Variants in TCF7L2 observed in about 807,000 individuals in gnomAD.
TCF7L2 encodes transcription factor 7 like 2.
Under a neutral mutation model 77.9 loss-of-function variants are expected in TCF7L2, and 23 were observed. The ratio of observed to expected loss-of-function variants is 0.30; its 90% CI spans 0.21 to 0.42. TCF7L2 has a LOEUF of 0.42. TCF7L2 is among the 10% of genes least tolerant of loss of function. The pLI is 1.00. For missense variants in TCF7L2, 654 were observed against 793.1 expected (o/e 0.82, Z 2.11); for synonymous variants, 413 against 340.2 (o/e 1.21, Z -2.36).
At chr10:112,979,684 A>C (rs544640643) in intron 4 of TCF7L2, among the ~76,000 whole-genome samples, 1 of 151,952 alleles carries the variant, frequency 6.6e-6, no homozygotes, top group Non-Finnish European at 1.5e-5. Context: ...TTGAACTGGG[A>C]GGCGGAGGTT....
At chr10:113,110,686 C>T (rs928365452) in intron 5 of TCF7L2, among the ~76,000 whole-genome samples, 1 of 152,166 alleles carries the variant, frequency 6.6e-6, no homozygotes, top group Non-Finnish European at 1.5e-5. Flanking sequence ...TAAAAGGGTT[C>T]ATGCCAGTAG....
chr10:113,144,085 A>G, intron 7 of TCF7L2, 60 bp downstream of exon 7: 1 of 1,299,252 alleles, frequency 7.7e-7, no homozygotes, highest in Non-Finnish European at 1.1e-6. Flanking sequence ...TTTATTATTT[A>G]TTCTGTGTGT....
chr10:113,064,876 A>G (rs2057031670), intron 5 of TCF7L2, among the ~76,000 whole-genome samples: 1 of 152,250 alleles, frequency 6.6e-6, no homozygotes, highest in African/African-American at 2.4e-5. Context: ...CTGAAGCACA[A>G]GTGTCTAGCC....
chr10:113,121,668 ACCC>A (rs909228413), intron 5 of TCF7L2, among the ~76,000 whole-genome samples: 11 of 151,858 alleles, frequency 7.2e-5, no homozygotes, highest in African/African-American at 2.7e-4. Context: ...AATTGGATTT[ACCC>A]CCCTTCTCTC....
At chr10:113,118,108 G>T (rs74157220) in intron 5 of TCF7L2, among the ~76,000 whole-genome samples, 10,880 of 152,188 alleles carry the variant, frequency 0.071, 818 homozygotes, top group African/African-American at 0.19. Context: ...CCAGCAGACG[G>T]GGTCGAGAAT....
intron 4 of TCF7L2, among the ~76,000 whole-genome samples, chr10:113,013,716 G>A (rs2046846472): frequency 6.6e-6 from 1 of 152,198 alleles, no homozygotes; most frequent in African/African-American, 2.4e-5. Context: ...AAGAAAGGCA[G>A]TTGGAGCTTA....
chr10:113,065,111 C>T (rs988744588), intron 5 of TCF7L2, among the ~76,000 whole-genome samples: 4 of 152,244 alleles, frequency 2.6e-5, no homozygotes, highest in African/African-American at 9.6e-5. Context: ...GGAAGCTGGG[C>T]CAGGCAGAGC....
In TCF7L2 at chr10:113,019,553, T is replaced by C. The variant is rs142511148; in HGVS notation, c.451-20472T>C. ...CAATCTTGGTCACCCCTTTCATCTC[T>C]TGGGTCCTCTGTAAGTTATAGCTAT... is the stretch of plus-strand genomic sequence containing the variant. On this transcript the variant is annotated intron_variant, in intron 4 of 13. Coordinates refer to ENST00000627217, the MANE Select transcript of TCF7L2 (RefSeq NM_001146274.2). 2.9e-3 allele frequency among the ~76,000 whole-genome samples: 441 copies of C among 152,310 alleles called. 5 individuals are homozygous for C. The highest frequency in any genetic ancestry group is 0.01 in the African/African-American group (431 of 41,566).
In TCF7L2 at chr10:113,123,092, C is replaced by A. The variant is rs538895501; in HGVS notation, c.553-18092C>A. Among the ~76,000 whole-genome samples the A allele has an allele frequency of 6.6e-5, 10 of 152,260 alleles. No homozygotes were observed. The South Asian group carries it at 2.1e-3, about 32-fold the overall frequency. On this transcript the variant is annotated intron_variant, in intron 5 of 13. Coordinates refer to ENST00000627217, the MANE Select transcript of TCF7L2 (RefSeq NM_001146274.2). ...AAGGCGCTTGCTTTATGTGGCTGTG[C>A]TAGACTTTGAAGTCATGACTGCACC...
At chr10:112,974,654 A>G (rs1450865109) in intron 4 of TCF7L2, among the ~76,000 whole-genome samples, 1 of 152,162 alleles carries the variant, frequency 6.6e-6, no homozygotes, top group Non-Finnish European at 1.5e-5. Flanking sequence ...CATCTTGACC[A>G]GGCTGGTCTT....
At chr10:113,025,829 C>G (rs1041153549) in intron 4 of TCF7L2, among the ~76,000 whole-genome samples, 1 of 151,758 alleles carries the variant, frequency 6.6e-6, no homozygotes, top group African/African-American at 2.4e-5. Flanking sequence ...GCCGCAGATT[C>G]TGAATTTGAA....
intron 8 of TCF7L2, among the ~76,000 whole-genome samples, chr10:113,149,363 A>T (rs867011053): frequency 2.6e-5 from 4 of 152,120 alleles, no homozygotes; most frequent in Non-Finnish European, 2.9e-5. Context: ...TGTTATTTTT[A>T]AAATCATGTC....
intron 1 of TCF7L2, 87 bp downstream of exon 1, chr10:112,951,032 G>C: frequency 6.7e-7 from 1 of 1,496,848 alleles, no homozygotes; most frequent in South Asian, 1.2e-5. Flanking sequence ...ATCGGGGCTG[G>C]GGGCGGCGGC....
At chr10:113,068,539 G>A (rs1001581189) in intron 5 of TCF7L2, among the ~76,000 whole-genome samples, 4 of 152,092 alleles carry the variant, frequency 2.6e-5, no homozygotes, top group African/African-American at 4.8e-5. Flanking sequence ...GCTGGGCCTC[G>A]CAGAGATGGA....
intron 4 of TCF7L2, among the ~76,000 whole-genome samples, chr10:112,980,753 A>G (rs1046752389): frequency 6.6e-6 from 1 of 151,488 alleles, no homozygotes; most frequent in Non-Finnish European, 1.5e-5. Context: ...TCAGCCTCCC[A>G]GTAGCTGGGA....
chr10:113,158,823 T>A, intron 12 of TCF7L2, 106 bp downstream of exon 13: 1 of 1,161,712 alleles, frequency 8.6e-7, no homozygotes, highest in Non-Finnish European at 1.2e-6. Context: ...ATTTGAACAT[T>A]CTTTAAAATG....
At chr10:112,977,158 C>T (rs557798522) in intron 4 of TCF7L2, among the ~76,000 whole-genome samples, 7 of 152,096 alleles carry the variant, frequency 4.6e-5, no homozygotes, top group Admixed American at 4.6e-4. Flanking sequence ...TTCCAAACCT[C>T]GTGCCTCCCA....
At chr10:112,985,412 G>C (rs572763073) in intron 4 of TCF7L2, among the ~76,000 whole-genome samples, 15 of 151,648 alleles carry the variant, frequency 9.9e-5, no homozygotes, top group African/African-American at 3.6e-4. Context: ...TCTTATTTTA[G>C]TGACCCCCTC....
chr10:113,003,296 T>C (rs577105372), intron 4 of TCF7L2, among the ~76,000 whole-genome samples: 1 of 152,170 alleles, frequency 6.6e-6, no homozygotes, highest in African/African-American at 2.4e-5. Flanking sequence ...TTTGATGCCT[T>C]CTCTTTGTGG....
Sources: allele counts gnomAD v4.1 joint callset (sites outside exome capture counted in the v4.1 genomes callset), GRCh38; gene constraint gnomAD v4.1.1; transcripts MANE v1.5; gene names NCBI Gene and HGNC (gene_info 2026-07-23, HGNC 2026-07-21).